The following SPAST variants were observed in gnomAD, a reference collection of about 807,000 sequenced individuals.
The protein encoded by SPAST is spastic paraplegia 4 (autosomal dominant; spastin).
A neutral mutation model predicts 76.6 loss-of-function variants in SPAST; 30 were observed. The observed-to-expected ratio is 0.39, with a 90% CI of 0.29 to 0.53. SPAST has a LOEUF of 0.53. SPAST is among the 20% of genes least tolerant of loss of function. The pLI is 0.68. For missense variants in SPAST, 717 were observed against 770.5 expected (o/e 0.93, Z 0.82); for synonymous variants, 305 against 281.0 (o/e 1.09, Z -0.86).
chr2:32,068,963 A>C (rs1237314413), intron 1 of SPAST, among the ~76,000 whole-genome samples: 3 of 151,902 alleles, frequency 2.0e-5, no homozygotes, highest in Non-Finnish European at 4.4e-5. Context: ...TTATCCCAGC[A>C]CTTTGGGAGG....
chr2:32,135,118 TTGTGTGTG>T (rs57308975), intron 9 of SPAST, among the ~76,000 whole-genome samples: 61 of 147,484 alleles, frequency 4.1e-4, no homozygotes, highest in African/African-American at 1.4e-3. Context: ...TCTGATAATT[TTGTGTGTG>T]TGTGTGTGTG....
intron 4 of SPAST, among the ~76,000 whole-genome samples, chr2:32,101,538 A>G (rs1354600460): frequency 6.6e-6 from 1 of 152,128 alleles, no homozygotes; most frequent in Non-Finnish European, 1.5e-5. Context: ...GTCCTTGCCC[A>G]TGCCAGTGCC....
intron 4 of SPAST, among the ~76,000 whole-genome samples, chr2:32,107,094 T>A (rs1182814068): frequency 6.6e-6 from 1 of 152,100 alleles, no homozygotes; most frequent in Non-Finnish European, 1.5e-5. Flanking sequence ...GTTTTCCTGC[T>A]GCATTCCCCA....
At chr2:32,078,490 A>G (rs1239282820) in intron 1 of SPAST, among the ~76,000 whole-genome samples, 3 of 152,124 alleles carry the variant, frequency 2.0e-5, no homozygotes, top group African/African-American at 7.2e-5. Flanking sequence ...TTCTACAACA[A>G]TTAAAAAATA....
chr2:32,081,318 TCTC>T (rs1167252037), intron 1 of SPAST, among the ~76,000 whole-genome samples: 1 of 151,492 alleles, frequency 6.6e-6, no homozygotes, highest in East Asian at 1.9e-4. Flanking sequence ...ATGGTCTTGA[TCTC>T]CTGACCTCGT....
At chr2:32,105,072 G>A (rs573807822) in intron 4 of SPAST, among the ~76,000 whole-genome samples, 178 of 152,170 alleles carry the variant, frequency 1.2e-3, no homozygotes, top group African/African-American at 3.8e-3. Context: ...CATTCTCCCC[G>A]TCACTTTCAG....
chr2:32,106,521 T>C (rs1678327612), intron 4 of SPAST, among the ~76,000 whole-genome samples: 4 of 152,216 alleles, frequency 2.6e-5, no homozygotes, highest in Admixed American at 2.6e-4. Flanking sequence ...AGAAATCAGC[T>C]GTCTTCTGTG....
chr2:32,065,102 C>T (rs1676457452), intron 1 of SPAST, among the ~76,000 whole-genome samples: 1 of 151,994 alleles, frequency 6.6e-6, no homozygotes, highest in African/African-American at 2.4e-5. Flanking sequence ...TCACTGCAAC[C>T]TCCGACTCCC....
chr2:32,067,693 C>G (rs1254206227), intron 1 of SPAST, among the ~76,000 whole-genome samples: 2 of 149,902 alleles, frequency 1.3e-5, no homozygotes, highest in African/African-American at 4.9e-5. Flanking sequence ...CTTACCCAAG[C>G]TGGAGTGGAA....
chr2:32,122,129 T>A (rs933263534), intron 7 of SPAST, among the ~76,000 whole-genome samples: 2 of 152,210 alleles, frequency 1.3e-5, no homozygotes, highest in African/African-American at 4.8e-5. Flanking sequence ...GCCTACTGTT[T>A]ATTTGGGTTT....
chr2:32,129,037 C>T (rs970984147), intron 9 of SPAST: 12 of 166,268 alleles, frequency 7.2e-5, no homozygotes, highest in Admixed American at 1.1e-4. Flanking sequence ...AATAATGTCA[C>T]ATTCATAGGT....
intron 1 of SPAST, among the ~76,000 whole-genome samples, chr2:32,084,691 G>C (rs1677399316): frequency 1.3e-5 from 2 of 151,308 alleles, no homozygotes; most frequent in Admixed American, 1.3e-4. Flanking sequence ...TTTGAGTCCA[G>C]CCTGGCCAAC....
chr2:32,151,866 G>C (rs891713668), intron 16 of SPAST, among the ~76,000 whole-genome samples: 2 of 150,332 alleles, frequency 1.3e-5, no homozygotes, highest in Admixed American at 1.3e-4. Context: ...AGCTGAGATC[G>C]TACCACTGCA....
At chr2:32,152,341 T>C (rs1293067580) in intron 16 of SPAST, among the ~76,000 whole-genome samples, 1 of 152,114 alleles carries the variant, frequency 6.6e-6, no homozygotes, top group Non-Finnish European at 1.5e-5. Flanking sequence ...GCTCAGGCCA[T>C]TGGATCCCTT....
rs375850129 is a variant in SPAST at position 32,089,218 on chromosome 2, T to TTTTTC, written c.503-304_503-303insTTTTC. ...CGGCTAATTTTTTTTTTTTTTTTTTTAAGTAGAGACCAGATCTCTTTATGT... is the reference window on the plus strand; with the variant it reads ...CGGCTAATTTTTTTTTTTTTTTTTTTTTTTCAAGTAGAGACCAGATCTCTTTATGT... On this transcript the variant is annotated intron_variant, in intron 2 of 16. Coordinates refer to ENST00000315285, the MANE Select transcript of SPAST (RefSeq NM_014946.4). 4.3e-4 allele frequency among the ~76,000 whole-genome samples: 56 copies of TTTTTC among 129,996 alleles called. 2 individuals carry two copies. Among genetic ancestry groups the TTTTTC allele is most frequent in the Admixed American group, 8.1e-4 (10 of 12,288 alleles). 85.3% of individuals were successfully genotyped at this position (129,996 alleles called of 152,430 possible). A position where few individuals can be genotyped will look rare whatever the true frequency, so the allele number is the denominator to read the frequency against.
intron 7 of SPAST, among the ~76,000 whole-genome samples, chr2:32,116,801 T>A (rs1387488606): frequency 6.6e-6 from 1 of 152,086 alleles, no homozygotes; most frequent in Non-Finnish European, 1.5e-5. Context: ...GATTTAAAAT[T>A]AAGATAAGGT....
intron 1 of SPAST, among the ~76,000 whole-genome samples, chr2:32,066,681 A>G (rs1676524923): frequency 6.6e-6 from 1 of 151,848 alleles, no homozygotes; most frequent in Non-Finnish European, 1.5e-5. Context: ...AAAAAAAAGT[A>G]GGTCATTTTT....
At chr2:32,113,799 TC>T (rs1288102000) in intron 4 of SPAST, among the ~76,000 whole-genome samples, 2 of 151,980 alleles carry the variant, frequency 1.3e-5, no homozygotes, top group East Asian at 3.9e-4. Context: ...ACTACTGACA[TC>T]AGGTGATCCG....
chr2:32,136,657 A>G lies in SPAST; in HGVS notation c.1321+19A>G. The G allele has an allele frequency of 6.3e-7, 1 of 1,580,948 alleles. No individual in the cohort carries two copies. The highest frequency in any genetic ancestry group is 8.7e-7 in the Non-Finnish European group (1 of 1,150,022). On this transcript the variant is annotated intron_variant, in intron 10 of 16. Transcript: ENST00000315285. ...TTTATAGGTAAGAACATATTTTCCA[A>G]CTAAGTTATTGACTATTTGTGAAAT...
Sources: gnomAD v4.1 joint callset for allele counts (sites outside exome capture counted in the v4.1 genomes callset) on GRCh38, gnomAD v4.1.1 for gene constraint, MANE v1.5 for transcripts, NCBI Gene and HGNC (gene_info 2026-07-23, HGNC 2026-07-21) for gene names.